The following KIF19 variants were observed in gnomAD, a reference collection of about 807,000 sequenced individuals.
KIF19 encodes kinesin-like protein KIF19.
KIF19 carries 98 observed loss-of-function variants against 106.6 expected under a neutral mutation model. The observed-to-expected ratio is 0.92, with a 90% CI of 0.78 to 1.09. The LOEUF (loss-of-function observed/expected upper bound fraction) is 1.09, where lower values mean the gene tolerates loss of function less well. Among genes scored for constraint, KIF19 ranks in the 50% least tolerant of loss-of-function variants. The pLI is 0.00. For synonymous variants in KIF19, 516 were observed against 584.2 expected (o/e 0.88, Z 1.68); for missense variants, 1,373 against 1,414.3 (o/e 0.97, Z 0.47).
chr17:74,353,281 G>T lies in KIF19; in HGVS notation c.2200G>T (p.Gly734Cys). The change falls in exon 16 of 20, where the codon GGC (glycine) becomes TGC (cysteine). Residue 734 changes from glycine to cysteine, a missense_variant. Gly to Cys is a radical substitution (Grantham distance 159). Around this residue, in one of 3 missense-constraint regions of KIF19, gnomAD observed 1,020 missense variants for 1,008.2 expected, o/e 1.01. Transcript: ENST00000389916. The stretch of plus-strand genomic sequence containing the variant: ...GCCCACCCCACCTCCCATCCAGCTC[G>T]GCAGCCTGGTGACGCAGGAGGTGAG... ...SVPTPPPIQL[G>C]SLVTQEAPAQ... 6.3e-7 allele frequency: 1 copy of T among 1,575,092 alleles called. No homozygotes were observed. Among genetic ancestry groups the T allele is most frequent in the East Asian group, 2.4e-5 (1 of 42,484 alleles).
At position 74,352,334 on chromosome 17, in the gene KIF19, C is replaced by T; in HGVS notation, c.1974C>T (p.Ala658=). ...ATIMDQVASR[A]LQDSSLPKIT... ...TCATGGACCAAGTGGCCTCCAGGGC[C>T]CTGCAGGTGGGTGGGCGCCTGGGCG... The change falls in exon 14 of 20, where the codon GCC becomes GCT. Residue 658 remains alanine, a synonymous_variant. Coordinates refer to ENST00000389916, the MANE Select transcript of KIF19 (RefSeq NM_153209.4). 2 of 1,606,732 alleles carry T rather than the reference C, an allele frequency of 1.2e-6. No individual in the cohort carries two copies. The highest frequency in any genetic ancestry group is 2.7e-5 in the African/African-American group (2 of 74,876).
intron 2 of KIF19, among the ~76,000 whole-genome samples, chr17:74,335,930 G>T (rs1168141202): frequency 1.3e-5 from 2 of 152,230 alleles, no homozygotes; most frequent in Non-Finnish European, 2.9e-5. Context: ...TGTTGTATTA[G>T]TTTGCAAGCT....
At chr17:74,328,747 T>C in intron 2 of KIF19, 2 of 432,420 alleles carry the variant, frequency 4.6e-6, no homozygotes, top group South Asian at 2.9e-5. Context: ...CCCTGATCCT[T>C]TACCTTTCAC....
chr17:74,341,825 A>G (rs976684676), intron 2 of KIF19, 51 bp from the exon 3 acceptor site: 4 of 1,302,984 alleles, frequency 3.1e-6, no homozygotes, highest in Non-Finnish European at 3.3e-6. Flanking sequence ...TGACCTCATC[A>G]GGGCCCGGGG....
rs1305652076 is a variant in KIF19 at position 74,353,221 on chromosome 17, G to A, written c.2140G>A (p.Gly714Ser). 1.9e-6 allele frequency: 3 copies of A among 1,588,666 alleles called. No homozygotes were observed. Among genetic ancestry groups the A allele is most frequent in the East Asian group, 2.3e-5 (1 of 43,470 alleles). ...ESEGHHVFKA[G>S]TGAWQAKSSS... is the part of the protein sequence containing the mutation. ...TGAAGGCCACCACGTGTTCAAGGCT[G>A]GTACTGGGGCCTGGCAGGCAAAAAG... Residue 714 changes from glycine (G) to serine (S), a missense_variant, in exon 16 of 20, where the codon GGT becomes AGT. Gly to Ser is a moderately conservative substitution (Grantham distance 56). Around this residue, in one of 3 missense-constraint regions of KIF19, gnomAD observed 1,020 missense variants for 1,008.2 expected, o/e 1.01. Coordinates refer to ENST00000389916, the MANE Select transcript of KIF19 (RefSeq NM_153209.4).
Position 74,341,975 on chromosome 17 carries a change from A to G in KIF19, c.220A>G (p.Thr74Ala), listed in dbSNP as rs1183369313. The change falls in exon 3 of 20, where the codon ACC becomes GCC. Residue 74 changes from threonine (T) to alanine (A), a missense_variant. By Grantham distance (58) the Thr-to-Ala change is moderately conservative (BLOSUM62 0). Transcript: ENST00000389916. ...CCTGTTCGACGTGGCCTTTGACTTC[A>G]CCGCCACCCAGGTGAGGGAGGGCCT... The part of the protein sequence containing the change: ...SYLFDVAFDF[T>A]ATQEMVYQAT... The G allele has an allele frequency of 3.7e-6, 6 of 1,612,696 alleles. No individual in the cohort carries two copies. The highest frequency in any genetic ancestry group is 5.1e-6 in the Non-Finnish European group (6 of 1,179,488).
intron 1 of KIF19, among the ~76,000 whole-genome samples, chr17:74,327,966 G>A (rs932015582): frequency 2.0e-5 from 3 of 152,186 alleles, no homozygotes; most frequent in Admixed American, 6.5e-5. Flanking sequence ...CACTCTCCTC[G>A]GTGTAGGAAT....
chr17:74,334,073 C>T (rs2054164464), intron 2 of KIF19, among the ~76,000 whole-genome samples: 1 of 152,078 alleles, frequency 6.6e-6, no homozygotes, highest in Admixed American at 6.5e-5. Context: ...AATCCTCCTG[C>T]CTTGGCCTCC....
At chr17:74,334,817 G>C (rs8078532) in intron 2 of KIF19, among the ~76,000 whole-genome samples, 1 of 152,060 alleles carries the variant, frequency 6.6e-6, no homozygotes, top group African/African-American at 2.4e-5. Flanking sequence ...TTGTGGTTTA[G>C]TTTTACCTGT....
intron 3 of KIF19, among the ~76,000 whole-genome samples, chr17:74,342,414 A>G (rs12603593): frequency 0.31 from 46,401 of 151,956 alleles, 7,243 homozygotes; most frequent in Middle Eastern, 0.45. Flanking sequence ...GCTGCGCAGG[A>G]AGGCGTCTCA....
rs928368779 is a variant in KIF19 at position 74,352,286 on chromosome 17, G to C, written c.1926G>C (p.Glu642Asp). 3.7e-6 allele frequency: 6 copies of C among 1,612,496 alleles called. No individual in the cohort carries two copies. Among genetic ancestry groups the C allele is most frequent in the Non-Finnish European group, 5.1e-6 (6 of 1,179,622 alleles). ...AAGTGTACCTGCGGGAGCTGGAGGA[G>C]GGCAGCCTGGAGCAGGCCACCATCA... Reference protein sequence around the residue: ...LYEVYLRELEEGSLEQATIMD... With the variant: ...LYEVYLRELEDGSLEQATIMD... Residue 642 changes from glutamate to aspartate, a missense_variant, in exon 14 of 20, where the codon GAG becomes GAC. Glu to Asp is a conservative substitution (Grantham distance 45). Coordinates refer to ENST00000389916, the MANE Select transcript of KIF19 (RefSeq NM_153209.4).
intron 1 of KIF19, among the ~76,000 whole-genome samples, chr17:74,327,171 C>T (rs2053938698): frequency 6.6e-6 from 1 of 152,168 alleles, no homozygotes; most frequent in Non-Finnish European, 1.5e-5. Context: ...CCCTCATCAC[C>T]AGAAGGTGGG....
In KIF19 at chr17:74,332,112, C is replaced by T. The variant is rs914918807; in HGVS notation, c.120+3607C>T. Reference sequence around the variant, plus strand: ...GGTCCCAGAGGTAAACAAAACCTGGCCCTTGAGCCTTCCTGCTCCCTCTTC... The same window carrying T: ...GGTCCCAGAGGTAAACAAAACCTGGTCCTTGAGCCTTCCTGCTCCCTCTTC... On this transcript the variant is annotated intron_variant, in intron 2 of 19. Transcript: ENST00000389916. Among the ~76,000 whole-genome samples the T allele has an allele frequency of 3.3e-5, 5 of 151,860 alleles. No homozygotes were observed. The South Asian group carries it at 6.2e-4, about 19-fold the overall frequency.
chr17:74,352,760 T>C, intron 14 of KIF19, 61 bp from the exon 15 acceptor site: 1 of 1,600,872 alleles, frequency 6.2e-7, no homozygotes, highest in Non-Finnish European at 8.6e-7. Flanking sequence ...TTTGTGACTC[T>C]GTGCTGATTT....
rs1342177692 is a variant in KIF19, at chr17:74,351,895, TGC to T, written c.1624_1625del (p.Arg542GlyfsTer137). The T allele has an allele frequency of 7.1e-7, 1 of 1,411,784 alleles. No homozygotes were observed. The highest frequency in any genetic ancestry group is 1.5e-5 in the South Asian group (1 of 66,342). 87.5% of individuals were successfully genotyped at this position (1,411,784 alleles called of 1,614,324 possible). A position where few individuals can be genotyped will look rare whatever the true frequency, so the allele number is the denominator to read the frequency against. ...GCGCTGGAGCAGCGCTGCCGGGAGC[TGC>T]GCGCGCGGGGCCGGCGCCTGGAGGA... On this transcript the variant is annotated frameshift_variant, in exon 13 of 20. Transcript: ENST00000389916. LOFTEE classifies it high-confidence loss of function.
chr17:74,337,195 C>T (rs1017495360), intron 2 of KIF19, among the ~76,000 whole-genome samples: 3 of 152,188 alleles, frequency 2.0e-5, no homozygotes, highest in African/African-American at 4.8e-5. Flanking sequence ...CCATGCCTGG[C>T]ACAATCACCA....
rs185127355 is a variant in KIF19 at position 74,338,516 on chromosome 17, G to A, written c.121-3360G>A. Among the ~76,000 whole-genome samples, 597 of 152,112 alleles carry A rather than the reference G, an allele frequency of 3.9e-3. 16 individuals are homozygous for A. Among genetic ancestry groups the A allele is most frequent in the Non-Finnish European group, 5.3e-3 (357 of 67,946 alleles). ...GCTGACCTGAAATCCCATCTGATTGGGAAAGACTTCCACATGAGGCTGCCA... is the reference window on the plus strand; with the variant it reads ...GCTGACCTGAAATCCCATCTGATTGAGAAAGACTTCCACATGAGGCTGCCA... On this transcript the variant is annotated intron_variant, in intron 2 of 19. Coordinates refer to ENST00000389916, the MANE Select transcript of KIF19 (RefSeq NM_153209.4).
rs529055322 is a variant in KIF19, at chr17:74,349,171, G to A, written c.1048-13G>A. 1.8e-5 allele frequency: 29 copies of A among 1,613,646 alleles called. No individual in the cohort carries two copies. The South Asian group carries it at 2.1e-4, about 12-fold the overall frequency. The stretch of plus-strand genomic sequence containing the variant: ...TGACTGCATCCCCTCCGCTCCATAC[G>A]TGTTCCCTGCAGGTGAAGCAGAACC... On this transcript the variant is annotated splice_polypyrimidine_tract_variant and intron_variant, in intron 9 of 19. Coordinates refer to ENST00000389916, the MANE Select transcript of KIF19 (RefSeq NM_153209.4).
rs752715454 is a variant in KIF19, at chr17:74,354,415, G to C, written c.2562G>C (p.Pro854=). ...DNLSSSTGEA[P]SRAVGHHGDG... is the part of the protein sequence containing the mutation. ...TGTCCAGCAGCACGGGCGAGGCCCCGTCCCGGGCAGTCGGACATCATGGGG... is the reference window on the plus strand; with the variant it reads ...TGTCCAGCAGCACGGGCGAGGCCCCCTCCCGGGCAGTCGGACATCATGGGG... Residue 854 remains proline (P), a synonymous_variant, in exon 18 of 20, where the codon CCG becomes CCC. Coordinates refer to ENST00000389916, the MANE Select transcript of KIF19 (RefSeq NM_153209.4). The C allele has an allele frequency of 6.2e-7, 1 of 1,611,042 alleles. No individual in the cohort carries two copies. The highest frequency in any genetic ancestry group is 8.5e-7 in the Non-Finnish European group (1 of 1,179,244).
Sources: allele counts gnomAD v4.1 joint callset (sites outside exome capture counted in the v4.1 genomes callset), GRCh38; gene constraint gnomAD v4.1.1; regional missense constraint gnomAD v4.1.1; transcripts MANE v1.5; gene names NCBI Gene and HGNC (gene_info 2026-07-23, HGNC 2026-07-21).